Variants in NTNG2 observed in about 807,000 individuals in gnomAD.
The protein encoded by NTNG2 is netrin-G2.
Under a neutral mutation model 47.6 loss-of-function variants are expected in NTNG2, and 15 were observed. The ratio of observed to expected loss-of-function variants is 0.32; its 90% CI spans 0.21 to 0.49. NTNG2 has a LOEUF of 0.49. Ranked by LOEUF, NTNG2 falls within the 20% of genes least tolerant of loss-of-function variation. The pLI is 0.99. For synonymous variants in NTNG2, 307 were observed against 324.6 expected (o/e 0.95, Z 0.58); for missense variants, 578 against 764.6 (o/e 0.76, Z 2.88).
chr9:132,176,159 G>A (rs1434326305), intron 2 of NTNG2, among the ~76,000 whole-genome samples: 2 of 151,594 alleles, frequency 1.3e-5, no homozygotes, highest in Non-Finnish European at 2.9e-5. Context: ...GACCAGCCTG[G>A]GCAATGTAGT....
chr9:132,164,130 A>G (rs1835315864), intron 1 of NTNG2, among the ~76,000 whole-genome samples: 1 of 152,088 alleles, frequency 6.6e-6, no homozygotes, highest in South Asian at 2.1e-4. Context: ...CTGAGCTCGT[A>G]ATTCCCCCTG....
At position 132,215,878 on chromosome 9, in the gene NTNG2, T is replaced by C. The variant is rs1839934866; in HGVS notation, c.858-10971T>C. ...GTCCCTCCCTCTATCACCTGTTGGC[T>C]GTTGACAATAGCAACAATAATAATA... On this transcript the variant is annotated intron_variant, in intron 3 of 7. Coordinates refer to ENST00000393229, the MANE Select transcript of NTNG2 (RefSeq NM_032536.4). This position sits in a 1 kb window ranked among gnomAD's most constrained non-coding sequence, Gnocchi z 4.2. Among the ~76,000 whole-genome samples, 1 of 152,156 alleles carries C rather than the reference T, an allele frequency of 6.6e-6. No homozygotes were observed. The highest frequency in any genetic ancestry group is 2.4e-5 in the African/African-American group (1 of 41,428).
At chr9:132,198,633 T>C (rs1345458507) in intron 3 of NTNG2, 24 bp downstream of exon 3, 1 of 1,593,028 alleles carries the variant, frequency 6.3e-7, no homozygotes. Flanking sequence ...AAGCCCTGGA[T>C]GTCACCTGCA....
At chr9:132,228,258 G>A (rs1013594369) in intron 4 of NTNG2, among the ~76,000 whole-genome samples, 14 of 152,368 alleles carry the variant, frequency 9.2e-5, no homozygotes, top group Admixed American at 2.6e-4. Context: ...GGCATGTCAC[G>A]CGTGTGCTAC....
chr9:132,185,435 A>G (rs1230779419), intron 2 of NTNG2, among the ~76,000 whole-genome samples: 1 of 152,142 alleles, frequency 6.6e-6, no homozygotes, highest in African/African-American at 2.4e-5. Flanking sequence ...CCTCACAGCC[A>G]CTTTTTTCCT....
At chr9:132,173,600 A>T (rs1836100990) in intron 2 of NTNG2, among the ~76,000 whole-genome samples, 1 of 151,978 alleles carries the variant, frequency 6.6e-6, no homozygotes, top group South Asian at 2.1e-4. Context: ...GTATAATGAC[A>T]AGCTGCCTCC....
rs1450699077 is a variant in NTNG2, at chr9:132,236,854, C to G, written c.1055-2250C>G. On this transcript the variant is annotated intron_variant, in intron 5 of 7. Coordinates refer to ENST00000393229, the MANE Select transcript of NTNG2 (RefSeq NM_032536.4). The surrounding 1 kb of genome is among the most constrained non-coding windows in gnomAD (Gnocchi z 4.3). Reference sequence around the variant, plus strand: ...GGTGCCGTCCGTGTTCCTGGCTTGACAGCACTTGCGAGTGGGACTCCAGGG... The same window carrying G: ...GGTGCCGTCCGTGTTCCTGGCTTGAGAGCACTTGCGAGTGGGACTCCAGGG... 6.6e-6 allele frequency among the ~76,000 whole-genome samples: 1 copy of G among 152,214 alleles called. No homozygotes were observed. The highest frequency in any genetic ancestry group is 2.4e-5 in the African/African-American group (1 of 41,442).
At chr9:132,200,354 T>C (rs10793904) in intron 3 of NTNG2, among the ~76,000 whole-genome samples, 44,060 of 152,110 alleles carry the variant, frequency 0.29, 6,690 homozygotes, top group East Asian at 0.36. Flanking sequence ...AGGCTTTCAA[T>C]GTCCACCCAA....
rs1371986719 is a variant in NTNG2 at position 132,166,760 on chromosome 9, G to GCGAGT, written c.-70_-66dup. ...GATGTGGCATTTCCATGCTGAGGCC[G>GCGAGT]CGAGTCCCGCCTGACCCCGTCGCTG... On this transcript the variant is annotated 5_prime_UTR_variant, in exon 2 of 8. It removes the in-frame stop codon of an upstream open reading frame in the 5' UTR. Transcript: ENST00000393229. The GCGAGT allele has an allele frequency of 9.6e-6, 14 of 1,458,418 alleles. No homozygotes were observed. Among genetic ancestry groups the GCGAGT allele is most frequent in the Non-Finnish European group, 1.2e-5 (13 of 1,047,536 alleles). 90.3% of individuals were successfully genotyped at this position (1,458,418 alleles called of 1,614,324 possible).
intron 2 of NTNG2, among the ~76,000 whole-genome samples, chr9:132,189,813 A>AT (rs1837726484): frequency 1.3e-5 from 2 of 150,908 alleles, no homozygotes; most frequent in South Asian, 4.2e-4. Flanking sequence ...CTAATTATTT[A>AT]TTTTTTTTAA....
Position 132,235,711 on chromosome 9 carries a change from G to A in NTNG2, c.1055-3393G>A, listed in dbSNP as rs144070298. Among the ~76,000 whole-genome samples, 1,357 of 152,296 alleles carry A rather than the reference G, an allele frequency of 8.9e-3. 15 individuals carry two copies. The highest frequency in any genetic ancestry group is 0.031 in the African/African-American group (1,270 of 41,542). On this transcript the variant is annotated intron_variant, in intron 5 of 7. Coordinates refer to ENST00000393229, the MANE Select transcript of NTNG2 (RefSeq NM_032536.4). Reference sequence around the variant, plus strand: ...AGCAGGTGGTCCCAGGTGGCCTCCCGTGCAGAAGGTATGGGGGGGCAAGGC... The same window carrying A: ...AGCAGGTGGTCCCAGGTGGCCTCCCATGCAGAAGGTATGGGGGGGCAAGGC...
rs1257070254 is a variant in NTNG2, at chr9:132,241,063, C to G, written c.1357+19C>G. 1 of 1,581,782 alleles carries G rather than the reference C, an allele frequency of 6.3e-7. No homozygotes were observed. The highest frequency in any genetic ancestry group is 1.7e-5 in the Admixed American group (1 of 57,770). ...TGCTACCGTGAGTGCGCGCCGTCCC[C>G]CGTGGGCGGGGCCTGCGGAAAGGGG... On this transcript the variant is annotated intron_variant, in intron 7 of 7. Coordinates refer to ENST00000393229, the MANE Select transcript of NTNG2 (RefSeq NM_032536.4).
At chr9:132,185,894 GAA>G (rs1564395992) in intron 2 of NTNG2, among the ~76,000 whole-genome samples, 9 of 147,520 alleles carry the variant, frequency 6.1e-5, no homozygotes, top group South Asian at 4.2e-4. Context: ...GAGGAGGAGG[GAA>G]AGGAGGAGGA....
chr9:132,235,242 G>A (rs933499563), intron 5 of NTNG2, among the ~76,000 whole-genome samples: 14 of 152,340 alleles, frequency 9.2e-5, no homozygotes, highest in African/African-American at 2.9e-4. Context: ...GATCTTGGCC[G>A]GAACACATGT....
At chr9:132,211,437 C>T (rs1839580213) in intron 3 of NTNG2, among the ~76,000 whole-genome samples, 3 of 152,154 alleles carry the variant, frequency 2.0e-5, no homozygotes, top group Non-Finnish European at 4.4e-5. Flanking sequence ...CTTCTCTGCA[C>T]AATATCTCTA....
chr9:132,175,519 G>C lies in NTNG2; in HGVS notation c.213+8475G>C, dbSNP rs1237664158. Among the ~76,000 whole-genome samples the C allele has an allele frequency of 1.7e-4, 26 of 152,332 alleles. No individual in the cohort carries two copies. In the East Asian group the frequency reaches 4.4e-3, roughly 26 times the overall value. On this transcript the variant is annotated intron_variant, in intron 2 of 7. Transcript: ENST00000393229. Reference sequence around the variant, plus strand: ...AGTCCCTGTGGCCAGCACTGATGCAGGGCTCCTTCCTAGAGGGGCCGGGCC... The same window carrying C: ...AGTCCCTGTGGCCAGCACTGATGCACGGCTCCTTCCTAGAGGGGCCGGGCC...
intron 2 of NTNG2, among the ~76,000 whole-genome samples, chr9:132,191,972 C>T: frequency 6.6e-6 from 1 of 152,210 alleles, no homozygotes; most frequent in African/African-American, 2.4e-5. Context: ...AAAGAGGCAG[C>T]TACTACTTCT....
In NTNG2 at chr9:132,173,910, C is replaced by T. The variant is rs114948917; in HGVS notation, c.213+6866C>T. Among the ~76,000 whole-genome samples, 249 of 89,226 alleles carry T rather than the reference C, an allele frequency of 2.8e-3. 2 individuals carry two copies. Among genetic ancestry groups the T allele is most frequent in the African/African-American group, 0.011 (232 of 21,782 alleles). The allele number at this position is 89,226 out of a possible 152,430, so 58.5% of individuals were successfully genotyped here. A position where few individuals can be genotyped will look rare whatever the true frequency, so the allele number is the denominator to read the frequency against. ...CCATGCTGCGGATGAGATGGACGGA[C>T]GGACGGACAGATGGACAGACAGGCA... On this transcript the variant is annotated intron_variant, in intron 2 of 7. Coordinates refer to ENST00000393229, the MANE Select transcript of NTNG2 (RefSeq NM_032536.4).
chr9:132,167,753 G>A (rs1405366572), intron 2 of NTNG2, among the ~76,000 whole-genome samples: 2 of 152,168 alleles, frequency 1.3e-5, no homozygotes, highest in Non-Finnish European at 2.9e-5. Context: ...GAGTACTTCA[G>A]TACTCAAGTA....
Sources: allele counts gnomAD v4.1 joint callset (sites outside exome capture counted in the v4.1 genomes callset), GRCh38; gene constraint gnomAD v4.1.1; non-coding constraint Gnocchi (gnomAD v3.1); transcripts MANE v1.5; gene names NCBI Gene and HGNC (gene_info 2026-07-23, HGNC 2026-07-21).